Variants in CNTLN observed in about 807,000 individuals in gnomAD.
CNTLN encodes centlein.
CNTLN carries 212 observed loss-of-function variants against 180.0 expected under a neutral mutation model. That is an observed-to-expected ratio of 1.18 (90% confidence interval 1.05 to 1.32). The LOEUF (loss-of-function observed/expected upper bound fraction) is 1.32. CNTLN is among the 40% of genes most tolerant of loss of function. The probability of loss-of-function intolerance (pLI) is 0.00; values close to 1 mark genes in which losing one functional copy is unlikely to be tolerated. For synonymous variants in CNTLN, 722 were observed against 563.1 expected (o/e 1.28, Z -3.99); for missense variants, 2,095 against 1,610.9 (o/e 1.30, Z -5.14).
chr9:17,292,459 C>G (rs1237434569), intron 6 of CNTLN, among the ~76,000 whole-genome samples: 2 of 152,156 alleles, frequency 1.3e-5, no homozygotes, highest in East Asian at 3.9e-4. Flanking sequence ...TAGGTTCGGT[C>G]TTTTTACATA....
intron 2 of CNTLN, among the ~76,000 whole-genome samples, chr9:17,211,268 C>G (rs200067987): frequency 6.6e-6 from 1 of 152,078 alleles, no homozygotes; most frequent in Admixed American, 6.6e-5. Flanking sequence ...TCAGCTTTCT[C>G]CATATGGCTA....
chr9:17,245,554 A>C (rs1406533256), intron 5 of CNTLN, among the ~76,000 whole-genome samples: 2 of 151,040 alleles, frequency 1.3e-5, no homozygotes, highest in Non-Finnish European at 2.9e-5. Flanking sequence ...CATGGTCTAT[A>C]ACCTTTTTGT....
chr9:17,404,115 C>T (rs1183363236), intron 15 of CNTLN, among the ~76,000 whole-genome samples: 1 of 151,722 alleles, frequency 6.6e-6, no homozygotes, highest in African/African-American at 2.4e-5. Flanking sequence ...TGACAATGCT[C>T]TGTGTCTTCA....
chr9:17,168,574 C>T (rs894534859), intron 2 of CNTLN: 1 of 152,024 alleles, frequency 6.6e-6, no homozygotes, highest in Non-Finnish European at 1.5e-5. Context: ...CATGCTGATT[C>T]TGTATGTGAT....
At chr9:17,341,752 C>CT (rs1655219807) in intron 11 of CNTLN, among the ~76,000 whole-genome samples, 1 of 152,138 alleles carries the variant, frequency 6.6e-6, no homozygotes, top group Non-Finnish European at 1.5e-5. Flanking sequence ...TTTGGCATCA[C>CT]TTGTAGATAA....
In CNTLN at chr9:17,191,223, T is replaced by C. The variant is rs559897980; in HGVS notation, c.450-34980T>C. ...GAAATCAGATTGGACACTGCCACCC[T>C]CATTTCCTGTTTTATGTTGCTTTTT... On this transcript the variant is annotated intron_variant, in intron 2 of 25. Coordinates refer to ENST00000380647, the MANE Select transcript of CNTLN (RefSeq NM_017738.4). Among the ~76,000 whole-genome samples the C allele has an allele frequency of 1.2e-3, 185 of 152,372 alleles. 1 individual carries two copies. Among genetic ancestry groups the C allele is most frequent in the Admixed American group, 4.0e-3 (61 of 15,306 alleles).
chr9:17,251,699 G>A (rs999843423), intron 5 of CNTLN, among the ~76,000 whole-genome samples: 1 of 151,680 alleles, frequency 6.6e-6, no homozygotes. Flanking sequence ...AGGGTATTTG[G>A]GGTCTCCGTC....
chr9:17,466,792 T>G lies in CNTLN; in HGVS notation c.3756T>G (p.Leu1252=), dbSNP rs771030678. ...AEIETAASKQ[L]QELALQSEQV... is the part of the protein sequence containing the mutation. ...TTGAAACAGCAGCATCTAAGCAGCT[T>G]CAAGAATTAGCATTGCAAAGTGAAC... Residue 1252 remains leucine, a synonymous_variant, in exon 23 of 26, where the codon CTT becomes CTG. Coordinates refer to ENST00000380647, the MANE Select transcript of CNTLN (RefSeq NM_017738.4). 52 of 1,610,970 alleles carry G rather than the reference T, an allele frequency of 3.2e-5. No individual in the cohort carries two copies. Among genetic ancestry groups the G allele is most frequent in the Non-Finnish European group, 4.2e-5 (50 of 1,177,974 alleles).
intron 2 of CNTLN, among the ~76,000 whole-genome samples, chr9:17,176,194 A>G (rs1416883659): frequency 6.6e-6 from 1 of 152,060 alleles, no homozygotes; most frequent in African/African-American, 2.4e-5. Flanking sequence ...TTTAGAGAGA[A>G]ATCAGTCTTT....
chr9:17,267,111 T>G (rs939465623), intron 5 of CNTLN, among the ~76,000 whole-genome samples: 9 of 152,162 alleles, frequency 5.9e-5, no homozygotes, highest in Non-Finnish European at 1.0e-4. Flanking sequence ...TGCTCGTTAG[T>G]TGATGCAGTT....
In CNTLN at chr9:17,394,577, C is replaced by G. The variant is rs372592353; in HGVS notation, c.2123C>G (p.Ser708Trp). Residue 708 changes from serine (S) to tryptophan (W), a missense_variant, in exon 15 of 26, where the codon TCG becomes TGG. Ser to Trp is a radical substitution (Grantham distance 177). Transcript: ENST00000380647. ...CGGCTGAAATCTTTTGAGAAAAGGT[C>G]GAGAAAATTAAAAGAAGGGAATAAA... ...ENRLKSFEKR[S>W]RKLKEGNKKL... 38 of 1,589,712 alleles carry G rather than the reference C, an allele frequency of 2.4e-5. No homozygotes were observed. Among genetic ancestry groups the G allele is most frequent in the Non-Finnish European group, 3.0e-5 (35 of 1,173,306 alleles).
intron 5 of CNTLN, among the ~76,000 whole-genome samples, chr9:17,268,431 TG>T (rs1198657475): frequency 6.6e-6 from 1 of 152,058 alleles, no homozygotes; most frequent in Non-Finnish European, 1.5e-5. Flanking sequence ...CCATGTGAGG[TG>T]TCTGTCAGTC....
Position 17,501,184 on chromosome 9 carries a change from T to C in CNTLN, c.4120-1367T>C, listed in dbSNP as rs113204467. 1.1e-3 allele frequency among the ~76,000 whole-genome samples: 161 copies of C among 152,346 alleles called. 2 individuals carry two copies. Among genetic ancestry groups the C allele is most frequent in the African/African-American group, 3.8e-3 (156 of 41,592 alleles). Reference sequence around the variant, plus strand: ...CTTAAAACTGAAGAAATGTGCTCTTTTGGTATCTTATACTTTCTTTAGTGG... The same window carrying C: ...CTTAAAACTGAAGAAATGTGCTCTTCTGGTATCTTATACTTTCTTTAGTGG... On this transcript the variant is annotated intron_variant, in intron 25 of 25. Coordinates refer to ENST00000380647, the MANE Select transcript of CNTLN (RefSeq NM_017738.4).
chr9:17,353,852 C>G (rs1176993881), intron 12 of CNTLN, among the ~76,000 whole-genome samples: 1 of 152,192 alleles, frequency 6.6e-6, no homozygotes, highest in Non-Finnish European at 1.5e-5. Flanking sequence ...AGGAGCCCTT[C>G]AGCCCACCAC....
chr9:17,198,265 G>C (rs1299956966), intron 2 of CNTLN, among the ~76,000 whole-genome samples: 1 of 151,892 alleles, frequency 6.6e-6, no homozygotes, highest in South Asian at 2.1e-4. Flanking sequence ...TTCTATTTTT[G>C]TGAAGAATAT....
chr9:17,419,350 T>C (rs1442513), intron 18 of CNTLN, among the ~76,000 whole-genome samples: 113,354 of 152,050 alleles, frequency 0.75, 46,096 homozygotes, highest in Non-Finnish European at 0.92. Flanking sequence ...AGCCATCAAC[T>C]ATTTTCAAGA....
intron 2 of CNTLN, chr9:17,167,119 C>A: frequency 5.5e-6 from 1 of 181,934 alleles, no homozygotes; most frequent in East Asian, 1.9e-4. Flanking sequence ...GAAAACTGCA[C>A]AAATAAAAGT....
chr9:17,308,783 T>A (rs949720814), intron 7 of CNTLN, among the ~76,000 whole-genome samples: 6 of 151,890 alleles, frequency 4.0e-5, no homozygotes, highest in African/African-American at 7.2e-5. Context: ...TTTTCCTATA[T>A]TACACTGGCT....
At chr9:17,363,593 T>C (rs1414662038) in intron 12 of CNTLN, among the ~76,000 whole-genome samples, 2 of 151,848 alleles carry the variant, frequency 1.3e-5, no homozygotes, top group Non-Finnish European at 2.9e-5. Context: ...ATAACATACA[T>C]CATTTATTTG....
Sources: gnomAD v4.1 joint callset for allele counts (sites outside exome capture counted in the v4.1 genomes callset) on GRCh38, gnomAD v4.1.1 for gene constraint, MANE v1.5 for transcripts, NCBI Gene and HGNC (gene_info 2026-07-23, HGNC 2026-07-21) for gene names.